The following NPTX2 variants were observed in gnomAD, a reference collection of about 807,000 sequenced individuals.
NPTX2 encodes neuronal pentraxin-2.
In NPTX2, 23 loss-of-function variants were observed where a neutral mutation model predicts 38.1. The ratio of observed to expected loss-of-function variants is 0.60; its 90% CI spans 0.43 to 0.85. NPTX2 has a LOEUF of 0.85. NPTX2 is among the 40% of genes least tolerant of loss of function. The probability of loss-of-function intolerance (pLI) is 0.00; values close to 1 mark genes in which losing one functional copy is unlikely to be tolerated. For synonymous variants in NPTX2, 291 were observed against 287.3 expected (o/e 1.01, Z -0.13); for missense variants, 553 against 615.3 (o/e 0.90, Z 1.07).
At chr7:98,627,861 A>G (rs1170331749) in intron 4 of NPTX2, among the ~76,000 whole-genome samples, 3 of 152,160 alleles carry the variant, frequency 2.0e-5, no homozygotes, top group Non-Finnish European at 4.4e-5. Flanking sequence ...TAGGTAATCC[A>G]TAGTGGGTGC....
rs1791230289 is a variant in NPTX2, at chr7:98,619,115, T to C, written c.427-528T>C. The stretch of plus-strand genomic sequence containing the variant: ...AGAAAGAGAAATAGGAAGTGAGGAT[T>C]TAGAAACAGCATTAAAAACAAAGAT... On this transcript the variant is annotated intron_variant, in intron 1 of 4. Coordinates refer to ENST00000265634, the MANE Select transcript of NPTX2 (RefSeq NM_002523.3). Among the ~76,000 whole-genome samples, 3 of 152,280 alleles carry C rather than the reference T, an allele frequency of 2.0e-5. No individual in the cohort carries two copies. The South Asian group carries it at 6.2e-4, about 32-fold the overall frequency.
intron 2 of NPTX2, among the ~76,000 whole-genome samples, chr7:98,623,254 G>A (rs549642097): frequency 1.3e-3 from 193 of 152,290 alleles, no homozygotes; most frequent in Middle Eastern, 6.8e-3. Context: ...TAAGAGGGCC[G>A]CCTTTGCCAT....
In NPTX2 at chr7:98,617,400, C is replaced by A. The variant is rs976266100; in HGVS notation, c.-62C>A. ...TACTGCCAGCAGCGAAGGCGCCTCC[C>A]GCGGAGCGCCCCGACGGCGCCCGCT... On this transcript the variant is annotated 5_prime_UTR_variant, in exon 1 of 5. Transcript: ENST00000265634. 11 of 457,784 alleles carry A rather than the reference C, an allele frequency of 2.4e-5. No individual in the cohort carries two copies. Among genetic ancestry groups the A allele is most frequent in the African/African-American group, 2.1e-4 (10 of 48,398 alleles). 28.4% of individuals were successfully genotyped at this position (457,784 alleles called of 1,614,324 possible).
Position 98,627,180 on chromosome 7 carries a change from CT to C in NPTX2, c.905del (p.Leu302ArgfsTer49). ...CTGCTCACAGGTTGCGCAGCTGCCC[CT>C]GTTTGTCAGTGACGGCAAGTGGCAC... ...LINDKVAQLP[L>X]FVSDGKWHHI... On this transcript the variant is annotated frameshift_variant, in exon 4 of 5. Coordinates refer to ENST00000265634, the MANE Select transcript of NPTX2 (RefSeq NM_002523.3). LOFTEE classifies it high-confidence loss of function. The C allele has an allele frequency of 6.2e-7, 1 of 1,613,570 alleles. No homozygotes were observed. Among genetic ancestry groups the C allele is most frequent in the Non-Finnish European group, 8.5e-7 (1 of 1,179,628 alleles).
chr7:98,626,648 G>A (rs1388030123), intron 3 of NPTX2, among the ~76,000 whole-genome samples: 2 of 152,152 alleles, frequency 1.3e-5, no homozygotes, highest in African/African-American at 2.4e-5. Context: ...TTGCAGGACC[G>A]CCAGGGACCC....
chr7:98,624,237 A>C (rs1336105724), intron 2 of NPTX2, among the ~76,000 whole-genome samples: 1 of 152,212 alleles, frequency 6.6e-6, no homozygotes, highest in Non-Finnish European at 1.5e-5. Context: ...GATTACAGGC[A>C]TGAGCCACTG....
At chr7:98,624,866 G>C (rs994066081) in intron 2 of NPTX2, 56 bp from the exon 3 acceptor site, 34 of 1,571,772 alleles carry the variant, frequency 2.2e-5, no homozygotes, top group Non-Finnish European at 2.7e-5. Flanking sequence ...GGGCCGTGCT[G>C]GTGGGTGGTG....
chr7:98,620,096 C>T, intron 2 of NPTX2: 2 of 564,886 alleles, frequency 3.5e-6, no homozygotes, highest in Non-Finnish European at 3.2e-6. Flanking sequence ...CGATAAGCAA[C>T]CACACGGGCG....
At position 98,623,443 on chromosome 7, in the gene NPTX2, C is replaced by T. The variant is rs546358943; in HGVS notation, c.644-1479C>T. 2.0e-4 allele frequency among the ~76,000 whole-genome samples: 31 copies of T among 152,242 alleles called. 1 individual carries two copies. The South Asian group carries it at 5.0e-3, about 25-fold the overall frequency. On this transcript the variant is annotated intron_variant, in intron 2 of 4. Transcript: ENST00000265634. ...AGAAGTGCCAATGACATAGGGGTGG[C>T]GGGTGGATTCTCACCAATTCCAGGA...
chr7:98,628,456 C>G lies in NPTX2; in HGVS notation c.1123C>G (p.Gln375Glu), dbSNP rs1375482025. 6.2e-7 allele frequency: 1 copy of G among 1,612,000 alleles called. No homozygotes were observed. Among genetic ancestry groups the G allele is most frequent in the South Asian group, 1.1e-5 (1 of 90,638 alleles). ...ATQAFVGELS[Q>E]FNIWDRVLRA... ...TCAGGCATTTGTCGGGGAGCTCAGCCAGTTCAACATATGGGACCGCGTCCT... is the reference window on the plus strand; with the variant it reads ...TCAGGCATTTGTCGGGGAGCTCAGCGAGTTCAACATATGGGACCGCGTCCT... The change falls in exon 5 of 5, where the codon CAG (glutamine) becomes GAG (glutamate). Residue 375 changes from glutamine (Q) to glutamate (E), a missense_variant. Coordinates refer to ENST00000265634, the MANE Select transcript of NPTX2 (RefSeq NM_002523.3).
chr7:98,619,524 C>A, intron 1 of NPTX2, 119 bp from the exon 2 acceptor site: 1 of 789,882 alleles, frequency 1.3e-6, no homozygotes, highest in Non-Finnish European at 2.1e-6. Flanking sequence ...CTGCCAGTGG[C>A]AAGATTCAGG....
chr7:98,625,294 G>T (rs1029461623), intron 3 of NPTX2, 128 bp downstream of exon 3: 1 of 1,292,468 alleles, frequency 7.7e-7, no homozygotes, highest in Admixed American at 2.4e-5. Context: ...GGACTGCGGG[G>T]CTGTCCTCCT....
chr7:98,623,777 A>G (rs1371360009), intron 2 of NPTX2, among the ~76,000 whole-genome samples: 3 of 152,316 alleles, frequency 2.0e-5, no homozygotes, highest in Non-Finnish European at 4.4e-5. Context: ...GGGTCCCTGT[A>G]AGACTTCCTT....
rs1791183788 is a variant in NPTX2, at chr7:98,617,342, C to T, written c.-120C>T. 1 of 296,306 alleles carries T rather than the reference C, an allele frequency of 3.4e-6. No individual in the cohort carries two copies. The highest frequency in any genetic ancestry group is 6.1e-6 in the Non-Finnish European group (1 of 163,072). The allele number at this position is 296,306 out of a possible 1,614,324, so 18.4% of individuals were successfully genotyped here. A position where few individuals can be genotyped will look rare whatever the true frequency, so the allele number is the denominator to read the frequency against. ...GAGACGGCAGGAGACTTCTGCCCCG[C>T]GGTGCACGCGACCCTCGAGACGACA... On this transcript the variant is annotated 5_prime_UTR_variant, in exon 1 of 5. Coordinates refer to ENST00000265634, the MANE Select transcript of NPTX2 (RefSeq NM_002523.3).
At chr7:98,620,852 C>A (rs566937447) in intron 2 of NPTX2, among the ~76,000 whole-genome samples, 1 of 152,276 alleles carries the variant, frequency 6.6e-6, no homozygotes, top group African/African-American at 2.4e-5. Context: ...AGGAGGGCTC[C>A]ATGAGAGACC....
At chr7:98,622,188 C>A (rs1791281725) in intron 2 of NPTX2, among the ~76,000 whole-genome samples, 2 of 152,228 alleles carry the variant, frequency 1.3e-5, no homozygotes, top group Non-Finnish European at 2.9e-5. Context: ...AGCCTCTCCG[C>A]CACCTGCAGT....
chr7:98,624,684 C>G (rs1344578868), intron 2 of NPTX2, among the ~76,000 whole-genome samples: 1 of 152,166 alleles, frequency 6.6e-6, no homozygotes. Flanking sequence ...ATGTCACCTT[C>G]CCTGCCTGAA....
intron 1 of NPTX2, among the ~76,000 whole-genome samples, chr7:98,618,581 CCCCTCCCCCT>C (rs1791218550): frequency 1.6e-5 from 1 of 63,606 alleles, no homozygotes; most frequent in Non-Finnish European, 3.1e-5. Context: ...CCCCCCTCCC[CCCCTCCCCCT>C]CCGTCCCCCC....
intron 3 of NPTX2, among the ~76,000 whole-genome samples, chr7:98,626,735 G>A (rs1226419179): frequency 1.3e-5 from 2 of 152,018 alleles, no homozygotes; most frequent in Admixed American, 1.3e-4. Context: ...TCACACACGT[G>A]CCGCTGCGCA....
Sources: allele counts gnomAD v4.1 joint callset (sites outside exome capture counted in the v4.1 genomes callset), GRCh38; gene constraint gnomAD v4.1.1; transcripts MANE v1.5; gene names NCBI Gene and HGNC (gene_info 2026-07-23, HGNC 2026-07-21).